Variants in WWOX observed in about 807,000 individuals in gnomAD.
WWOX encodes WW domain containing oxidoreductase, also known as WW domain-containing oxidoreductase.
Under a neutral mutation model 46.2 loss-of-function variants are expected in WWOX, and 69 were observed. That is an observed-to-expected ratio of 1.49 (90% CI 1.23 to 1.82). WWOX has a LOEUF of 1.82. WWOX is among the 40% of genes most tolerant of loss of function. The pLI, the probability that WWOX is intolerant of heterozygous loss-of-function variation, is 0.00. For missense variants in WWOX, 919 were observed against 542.6 expected (o/e 1.69, Z -6.89); for synonymous variants, 359 against 202.6 (o/e 1.77, Z -6.56).
chr16:78,902,527 G>A (rs1157005195), intron 8 of WWOX, among the ~76,000 whole-genome samples: 1 of 152,184 alleles, frequency 6.6e-6, no homozygotes, highest in African/African-American at 2.4e-5. Flanking sequence ...GGCTTTCCAG[G>A]CCTTCCCCCG....
At chr16:79,051,905 A>G (rs2048174351) in intron 8 of WWOX, among the ~76,000 whole-genome samples, 1 of 152,246 alleles carries the variant, frequency 6.6e-6, no homozygotes, top group Non-Finnish European at 1.5e-5. Flanking sequence ...ATACTGGTCC[A>G]AGCAAGCATT....
chr16:78,186,851 A>G (rs1344410959), intron 5 of WWOX, among the ~76,000 whole-genome samples: 4 of 152,218 alleles, frequency 2.6e-5, no homozygotes. Context: ...TATTCTTCAC[A>G]AGGGTTCTGG....
chr16:79,110,413 C>G (rs2049394962), intron 8 of WWOX, among the ~76,000 whole-genome samples: 1 of 152,072 alleles, frequency 6.6e-6, no homozygotes, highest in Admixed American at 6.6e-5. Flanking sequence ...AGCTCTGAGC[C>G]CAAGGAGCAA....
chr16:78,761,514 T>A (rs1475583647), intron 8 of WWOX, among the ~76,000 whole-genome samples: 2 of 152,168 alleles, frequency 1.3e-5, no homozygotes. Context: ...CTGCTTTTCT[T>A]TCTCTGCTCA....
At chr16:78,885,027 C>T (rs1392080444) in intron 8 of WWOX, among the ~76,000 whole-genome samples, 1 of 152,162 alleles carries the variant, frequency 6.6e-6, no homozygotes, top group Non-Finnish European at 1.5e-5. Context: ...GTTTCTTCCA[C>T]TGTGCAGTGT....
rs1002020143 is a variant in WWOX at position 79,180,113 on chromosome 16, A to G, written c.1057-31495A>G. Among the ~76,000 whole-genome samples the G allele has an allele frequency of 4.6e-5, 7 of 152,050 alleles. No individual in the cohort carries two copies. The East Asian group carries it at 1.2e-3, about 25-fold the overall frequency. ...AGTTCAACAAGAAAGAATCTTTGCT[A>G]TGTTAGAAGAGACTCTGGGGAATCC... On this transcript the variant is annotated intron_variant, in intron 8 of 8. Coordinates refer to ENST00000566780, the MANE Select transcript of WWOX (RefSeq NM_016373.4).
chr16:78,356,857 G>C (rs1289561148), intron 5 of WWOX, among the ~76,000 whole-genome samples: 1 of 152,116 alleles, frequency 6.6e-6, no homozygotes, highest in African/African-American at 2.4e-5. Context: ...ACTCCAGCCT[G>C]GCAGACAGAG....
At chr16:79,197,294 G>T (rs962139841) in intron 8 of WWOX, among the ~76,000 whole-genome samples, 1 of 152,138 alleles carries the variant, frequency 6.6e-6, no homozygotes, top group Non-Finnish European at 1.5e-5. Context: ...AATTCTTACA[G>T]CTGTATTCCA....
At chr16:79,066,735 G>A (rs1030656259) in intron 8 of WWOX, among the ~76,000 whole-genome samples, 3 of 152,232 alleles carry the variant, frequency 2.0e-5, no homozygotes, top group Non-Finnish European at 4.4e-5. Context: ...GGGACCACCT[G>A]CCTTCTACCA....
chr16:78,923,451 C>G (rs917964683), intron 8 of WWOX, among the ~76,000 whole-genome samples: 1 of 152,112 alleles, frequency 6.6e-6, no homozygotes, highest in Non-Finnish European at 1.5e-5. Context: ...GCCTACCTTT[C>G]CTAATATCTA....
At chr16:79,196,275 A>G (rs1027189256) in intron 8 of WWOX, 4 of 152,216 alleles carry the variant, frequency 2.6e-5, no homozygotes, top group African/African-American at 4.8e-5. Context: ...CACATATACA[A>G]ATTACTTGTC....
At position 78,679,711 on chromosome 16, in the gene WWOX, A is replaced by G. The variant is rs533039427; in HGVS notation, c.1056+246959A>G. Among the ~76,000 whole-genome samples, 203 of 152,334 alleles carry G rather than the reference A, an allele frequency of 1.3e-3. 1 individual carries two copies. The highest frequency in any genetic ancestry group is 4.7e-3 in the African/African-American group (194 of 41,582). On this transcript the variant is annotated intron_variant, in intron 8 of 8. Coordinates refer to ENST00000566780, the MANE Select transcript of WWOX (RefSeq NM_016373.4). ...AAATCATTTGTGACAGAAGCTCCTT[A>G]TTTTTAAGTGGAAAATGCACATTTA...
chr16:78,141,422 TCC>T (rs1381913926), intron 4 of WWOX, among the ~76,000 whole-genome samples: 1 of 130,234 alleles, frequency 7.7e-6, no homozygotes. Context: ...AACCCCACCA[TCC>T]CCCTTCTTTT....
At chr16:79,048,426 G>A (rs768200022) in intron 8 of WWOX, among the ~76,000 whole-genome samples, 10 of 151,904 alleles carry the variant, frequency 6.6e-5, no homozygotes, top group Non-Finnish European at 1.2e-4. Context: ...ACCGTCCCCC[G>A]TGATGTAATT....
At chr16:78,894,843 T>A (rs1168322123) in intron 8 of WWOX, among the ~76,000 whole-genome samples, 2 of 152,306 alleles carry the variant, frequency 1.3e-5, no homozygotes, top group Middle Eastern at 3.4e-3. Flanking sequence ...GCGGCTATTA[T>A]GAGAAAAACA....
chr16:79,002,123 A>G (rs1031735606), intron 8 of WWOX, among the ~76,000 whole-genome samples: 1 of 150,872 alleles, frequency 6.6e-6, no homozygotes, highest in African/African-American at 2.4e-5. Flanking sequence ...CAGCTGGACG[A>G]TGAATGAGTT....
At chr16:79,002,559 C>T (rs2047115012) in intron 8 of WWOX, among the ~76,000 whole-genome samples, 1 of 152,156 alleles carries the variant, frequency 6.6e-6, no homozygotes, top group Admixed American at 6.5e-5. Flanking sequence ...ATGACCCTTG[C>T]CATAGCAGAA....
At chr16:78,714,389 C>T (rs908731830) in intron 8 of WWOX, among the ~76,000 whole-genome samples, 1 of 151,986 alleles carries the variant, frequency 6.6e-6, no homozygotes, top group South Asian at 2.1e-4. Flanking sequence ...ACCATCAGAT[C>T]TCGTGAGACT....
intron 8 of WWOX, among the ~76,000 whole-genome samples, chr16:78,894,923 C>G (rs748107321): frequency 2.0e-5 from 3 of 152,136 alleles, no homozygotes; most frequent in Non-Finnish European, 4.4e-5. Flanking sequence ...GATGACGGGA[C>G]TAATTCTTAT....
Sources: gnomAD v4.1 joint callset for allele counts (sites outside exome capture counted in the v4.1 genomes callset) on GRCh38, gnomAD v4.1.1 for gene constraint, MANE v1.5 for transcripts, NCBI Gene and HGNC (gene_info 2026-07-23, HGNC 2026-07-21) for gene names.